SMPD4: variants seen among roughly 807,000 people sequenced by gnomAD.
The protein encoded by SMPD4 is neutral sphingomyelinase 3.
In SMPD4, 58 loss-of-function variants were observed where a neutral mutation model predicts 97.8. The observed-to-expected ratio is 0.59, with a 90% CI of 0.48 to 0.74. SMPD4 has a LOEUF of 0.74. SMPD4 is among the 30% of genes least tolerant of loss of function. The pLI, the probability that SMPD4 is intolerant of heterozygous loss-of-function variation, is 0.00. For missense variants in SMPD4, 853 were observed against 1,080.5 expected, an observed-to-expected ratio of 0.79 and a Z score of 2.95; for synonymous variants, 388 against 450.0, an observed-to-expected ratio of 0.86 and a Z score of 1.74.
intron 6 of SMPD4, 31 bp from the exon 7 acceptor site, chr2:130,172,708 G>A: frequency 6.2e-7 from 1 of 1,614,220 alleles, no homozygotes; most frequent in Admixed American, 1.7e-5. Flanking sequence ...AAACATGCAG[G>A]GTTGATGAGC....
At chr2:130,163,021 G>A (rs1687576308) in intron 10 of SMPD4, among the ~76,000 whole-genome samples, 1 of 152,222 alleles carries the variant, frequency 6.6e-6, no homozygotes, top group African/African-American at 2.4e-5. Flanking sequence ...ATCCTCACAG[G>A]TGACAGCCTC....
In SMPD4 at chr2:130,154,284, C is replaced by G. The variant is rs568436100; in HGVS notation, c.1652G>C (p.Arg551Pro). The G allele has an allele frequency of 6.3e-7, 1 of 1,599,646 alleles. No homozygotes were observed. The highest frequency in any genetic ancestry group is 1.7e-5 in the Admixed American group (1 of 59,554). Residue 551 changes from arginine (R) to proline (P), a missense_variant, in exon 16 of 20, where the codon CGC (arginine) becomes CCC (proline). This residue lies in a region of SMPD4 where 511 missense variants were observed against 608.1 expected (regional missense o/e 0.84). Transcript: ENST00000680298. ...KYTPMFGPEA[R>P]TLVLRLAQLI... ...CACCGCCGAACCACTCACCAGGGTG[C>G]GGGCCTCGGGCCCAAACATCGGGGT...
In SMPD4 at chr2:130,155,079, C is replaced by G. The variant is rs756730084; in HGVS notation, c.1453+17G>C. ...CTGGGTTGACGTATACCGGGCTGGC[C>G]CAGGCTGAGGACTTACCTTTCTGAA... On this transcript the variant is annotated intron_variant, in intron 15 of 19. Transcript: ENST00000680298. 8 of 1,613,632 alleles carry G rather than the reference C, an allele frequency of 5.0e-6. No homozygotes were observed. The highest frequency in any genetic ancestry group is 6.8e-6 in the Non-Finnish European group (8 of 1,179,872).
Position 130,153,864 on chromosome 2 carries a change from C to G in SMPD4, c.1731G>C (p.Glu577Asp), listed in dbSNP as rs753748545. The stretch of plus-strand genomic sequence containing the variant: ...AGAGGAAGGAGTGGCCAGCCGGGCT[C>G]TCCGCACACTGGTCGGAGATGGACT... ...TAKSISDQCAESPAGHSFLSW... is the reference protein window; with the variant it reads ...TAKSISDQCADSPAGHSFLSW... Residue 577 changes from glutamate to aspartate, a missense_variant, in exon 17 of 20, where the codon GAG (glutamate) becomes GAC (aspartate). Around this residue, in one of 3 missense-constraint regions of SMPD4, gnomAD observed 511 missense variants for 608.1 expected, o/e 0.84. Transcript: ENST00000680298. 2 of 1,613,920 alleles carry G rather than the reference C, an allele frequency of 1.2e-6. No homozygotes were observed. Among genetic ancestry groups the G allele is most frequent in the African/African-American group, 1.3e-5 (1 of 75,062 alleles).
intron 11 of SMPD4, chr2:130,159,637 CAAAAAAAAA>C (rs543921050): frequency 1.4e-5 from 1 of 72,892 alleles, no homozygotes; most frequent in Non-Finnish European, 2.9e-5. Flanking sequence ...GACTCCATCT[CAAAAAAAAA>C]AAAAAAAAGA....
At chr2:130,172,586 T>C in intron 7 of SMPD4, 39 bp downstream of exon 7, 12 of 1,613,844 alleles carry the variant, frequency 7.4e-6, no homozygotes, top group Non-Finnish European at 1.0e-5. Flanking sequence ...CCCTGGGCCG[T>C]GGCCCCACCT....
intron 9 of SMPD4, 95 bp downstream of exon 9, chr2:130,167,363 T>C: frequency 1.3e-6 from 2 of 1,558,624 alleles, no homozygotes; most frequent in Non-Finnish European, 1.7e-6. Flanking sequence ...TCAGGTCATC[T>C]GCCCACCTAG....
chr2:130,160,310 C>T (rs1243422247), intron 11 of SMPD4, among the ~76,000 whole-genome samples: 2 of 152,202 alleles, frequency 1.3e-5, no homozygotes, highest in Non-Finnish European at 2.9e-5. Context: ...AGCCCACCAG[C>T]GCTAAGGAGC....
intron 3 of SMPD4, among the ~76,000 whole-genome samples, chr2:130,174,665 G>A (rs1388359506): frequency 2.0e-5 from 3 of 152,196 alleles, no homozygotes; most frequent in African/African-American, 7.2e-5. Flanking sequence ...ACCTCCAGAT[G>A]TGACAACCAA....
At position 130,170,832 on chromosome 2, in the gene SMPD4, G is replaced by A. The variant is rs544719119; in HGVS notation, c.659+1517C>T. 1.3e-3 allele frequency among the ~76,000 whole-genome samples: 202 copies of A among 151,948 alleles called. 1 individual carries two copies. Among genetic ancestry groups the A allele is most frequent in the African/African-American group, 4.8e-3 (201 of 41,452 alleles). ...CCAGCACTTTGTCTGAGGCCAAGGT[G>A]GACGGATTGCCTGAGGTCAGGAGTT... On this transcript the variant is annotated intron_variant, in intron 8 of 19. Coordinates refer to ENST00000680298, the MANE Select transcript of SMPD4 (RefSeq NM_017951.5).
rs746018145 is a variant in SMPD4, at chr2:130,153,878, C to G, written c.1717G>C (p.Asp573His). 3.7e-6 allele frequency: 6 copies of G among 1,613,810 alleles called. No individual in the cohort carries two copies. The highest frequency in any genetic ancestry group is 5.1e-6 in the Non-Finnish European group (6 of 1,179,862). Residue 573 changes from aspartate (D) to histidine (H), a missense_variant, in exon 17 of 20, where the codon GAC becomes CAC. Asp to His is a moderately conservative substitution (Grantham distance 81). Coordinates refer to ENST00000680298, the MANE Select transcript of SMPD4 (RefSeq NM_017951.5). ...CCAGCCGGGCTCTCCGCACACTGGT[C>G]GGAGATGGACTTGGCTGTGTGTTTG... The part of the protein sequence containing the change: ...QAKHTAKSIS[D>H]QCAESPAGHS...
intron 12 of SMPD4, 110 bp from the exon 13 acceptor site, chr2:130,156,785 T>C (rs1558743361): frequency 6.4e-7 from 1 of 1,550,940 alleles, no homozygotes; most frequent in South Asian, 1.2e-5. Context: ...GGGAGAGCAC[T>C]GGGCACCTCC....
At chr2:130,158,369 G>A in intron 11 of SMPD4, 1 of 552,194 alleles carries the variant, frequency 1.8e-6, no homozygotes, top group Non-Finnish European at 2.7e-6. Flanking sequence ...CCAGGCTGGA[G>A]CACAGTGGCG....
chr2:130,169,041 C>A (rs1174325534), intron 8 of SMPD4, among the ~76,000 whole-genome samples: 1 of 152,140 alleles, frequency 6.6e-6, no homozygotes, highest in Non-Finnish European at 1.5e-5. Flanking sequence ...TTAACCTGGG[C>A]ACAAAGTAAT....
chr2:130,159,501 G>A (rs1687177318), intron 11 of SMPD4: 1 of 152,052 alleles, frequency 6.6e-6, no homozygotes, highest in Admixed American at 6.6e-5. Context: ...TAGCCGGGTG[G>A]GTGGCACATG....
At chr2:130,152,909 G>T (rs1254045872) in intron 19 of SMPD4, 25 bp from the exon 20 acceptor site, 1 of 1,566,460 alleles carries the variant, frequency 6.4e-7, no homozygotes, top group Admixed American at 1.8e-5. Context: ...GAGGCACGGG[G>T]ATGTGGGGTG....
chr2:130,172,765 C>A, intron 6 of SMPD4, 22 bp downstream of exon 6: 4 of 1,614,176 alleles, frequency 2.5e-6, no homozygotes, highest in Non-Finnish European at 3.4e-6. Context: ...AGCCTCCCTA[C>A]CTCAGGGCCA....
At chr2:130,162,172 G>C (rs1192944966) in intron 10 of SMPD4, among the ~76,000 whole-genome samples, 1 of 152,262 alleles carries the variant, frequency 6.6e-6, no homozygotes, top group Non-Finnish European at 1.5e-5. Flanking sequence ...CTGAGGATCT[G>C]GCCACAGCCA....
intron 10 of SMPD4, among the ~76,000 whole-genome samples, chr2:130,163,385 G>A (rs984702821): frequency 6.6e-6 from 1 of 152,250 alleles, no homozygotes; most frequent in Non-Finnish European, 1.5e-5. Flanking sequence ...TATGCTCTGA[G>A]AGAGCCTCCA....
Sources: gnomAD v4.1 joint callset for allele counts (sites outside exome capture counted in the v4.1 genomes callset) on GRCh38, gnomAD v4.1.1 for gene constraint, gnomAD v4.1.1 regional missense constraint, MANE v1.5 for transcripts, NCBI Gene and HGNC (gene_info 2026-07-23, HGNC 2026-07-21) for gene names.